APTX: variants seen among roughly 807,000 people sequenced by gnomAD.
The protein encoded by APTX is aprataxin.
A neutral mutation model predicts 42.3 loss-of-function variants in APTX; 33 were observed. The ratio of observed to expected loss-of-function variants is 0.78; its 90% confidence interval spans 0.59 to 1.04. APTX has a LOEUF of 1.04. Ranked by LOEUF, APTX falls within the 50% of genes least tolerant of loss-of-function variation. The pLI is 0.00. For synonymous variants in APTX, 130 were observed against 146.7 expected, an observed-to-expected ratio of 0.89 and a Z score of 0.82; for missense variants, 421 against 415.1, an observed-to-expected ratio of 1.01 and a Z score of -0.12.
upstream of APTX, among the ~76,000 whole-genome samples, chr9:33,005,424 TTTTG>T (rs1185746294): frequency 6.6e-6 from 1 of 151,992 alleles, no homozygotes; most frequent in African/African-American, 2.4e-5. Context: ...GGTTTTATTT[TTTTG>T]TTTTTTGTTT....
At chr9:32,973,949 C>T (rs1457676755) in intron 7 of APTX, among the ~76,000 whole-genome samples, 1 of 152,038 alleles carries the variant, frequency 6.6e-6, no homozygotes, top group Non-Finnish European at 1.5e-5. Context: ...TTGGTAAATG[C>T]CAGCTGCCAT....
chr9:33,012,530 G>T (rs965013944), intron 1 of APTX, among the ~76,000 whole-genome samples: 5 of 152,012 alleles, frequency 3.3e-5, no homozygotes, highest in Admixed American at 1.3e-4. Context: ...ATCCTCTGGG[G>T]GTGCTCCTGT....
chr9:33,017,939 C>T (rs1223529295), intron 1 of APTX, among the ~76,000 whole-genome samples: 1 of 145,072 alleles, frequency 6.9e-6, no homozygotes, highest in East Asian at 2.1e-4. Context: ...CCCCCCCCCC[C>T]CTCCCATTTT....
intron 6 of APTX, among the ~76,000 whole-genome samples, chr9:32,978,604 C>T (rs1430511376): frequency 6.6e-6 from 1 of 152,106 alleles, no homozygotes; most frequent in African/African-American, 2.4e-5. Flanking sequence ...AGTGAAGATA[C>T]CTACTTTACA....
chr9:33,024,291 A>G (rs1838658871), intron 1 of APTX, among the ~76,000 whole-genome samples: 1 of 152,122 alleles, frequency 6.6e-6, no homozygotes, highest in South Asian at 2.1e-4. Flanking sequence ...GGGATTACAC[A>G]CGTGAGCCAC....
intron 1 of APTX, among the ~76,000 whole-genome samples, chr9:33,014,966 T>C (rs545369396): frequency 1.3e-5 from 2 of 152,368 alleles, no homozygotes; most frequent in South Asian, 4.1e-4. Flanking sequence ...TATCTTCAGA[T>C]ACCATGAATT....
At chr9:32,978,890 G>A (rs1830061677) in intron 6 of APTX, among the ~76,000 whole-genome samples, 1 of 152,096 alleles carries the variant, frequency 6.6e-6, no homozygotes, top group Non-Finnish European at 1.5e-5. Context: ...AAGCTCTATT[G>A]TTGATATTCA....
At chr9:32,992,822 G>A (rs1833948153) in intron 1 of APTX, among the ~76,000 whole-genome samples, 1 of 152,216 alleles carries the variant, frequency 6.6e-6, no homozygotes, top group Non-Finnish European at 1.5e-5. Flanking sequence ...AGGCAGTTCA[G>A]CAAGTCTCTG....
At chr9:32,995,521 T>A (rs937305637) in intron 1 of APTX, among the ~76,000 whole-genome samples, 1 of 152,164 alleles carries the variant, frequency 6.6e-6, no homozygotes, top group African/African-American at 2.4e-5. Context: ...AGTTGCTTCT[T>A]ATGGATGTGC....
Position 32,973,523 on chromosome 9 carries a change from T to C in APTX, c.1004A>G (p.His335Arg). Residue 335 changes from histidine to arginine, a missense_variant, in exon 8 of 8, where the codon CAT becomes CGT. His to Arg is a conservative substitution (Grantham distance 29). Transcript: ENST00000379817. Reference protein sequence around the residue: ...LLPSIPQLKEHLRKHWTQ With the variant: ...LLPSIPQLKERLRKHWTQ ...TCACTGTGTCCAGTGCTTCCTGAGA[T>C]GTTCTTTCAGCTGAGGAATGGAAGG... 2 of 1,614,116 alleles carry C rather than the reference T, an allele frequency of 1.2e-6. No individual in the cohort carries two copies. Among genetic ancestry groups the C allele is most frequent in the South Asian group, 2.2e-5 (2 of 91,064 alleles).
At chr9:33,003,895 T>C (rs1191284833), upstream of APTX, among the ~76,000 whole-genome samples, 2 of 152,254 alleles carry the variant, frequency 1.3e-5, no homozygotes, top group East Asian at 3.8e-4. Flanking sequence ...CTTTATCCAT[T>C]CATCCACCCG....
At chr9:32,977,775 G>C (rs181005696) in intron 6 of APTX, among the ~76,000 whole-genome samples, 52 of 152,008 alleles carry the variant, frequency 3.4e-4, no homozygotes, top group Middle Eastern at 3.4e-3. Context: ...GGGTTTCAGG[G>C]AGCTGAGATT....
In APTX at chr9:32,999,125, A is replaced by G. The variant is rs564381172; in HGVS notation, c.-5+2442T>C. On this transcript the variant is annotated intron_variant, in intron 1 of 7. Coordinates refer to ENST00000379817, the MANE Select transcript of APTX (RefSeq NM_001195248.2). ...GAATAAATCATCTGAGAGCACTGACACGTAAAGCAAAGAAGAAGGGAGTAA... is the reference window on the plus strand; with the variant it reads ...GAATAAATCATCTGAGAGCACTGACGCGTAAAGCAAAGAAGAAGGGAGTAA... 1.5e-3 allele frequency among the ~76,000 whole-genome samples: 226 copies of G among 152,334 alleles called. 10 individuals are homozygous for G. The South Asian group carries it at 0.045, about 30-fold the overall frequency.
At chr9:33,003,011 C>T (rs956856262), upstream of APTX, among the ~76,000 whole-genome samples, 1 of 152,192 alleles carries the variant, frequency 6.6e-6, no homozygotes, top group Non-Finnish European at 1.5e-5. Context: ...AGCAGCCACA[C>T]AGGCCTTACA....
In APTX at chr9:32,984,818, A is replaced by G; in HGVS notation, c.583T>C (p.Tyr195His). The change falls in exon 6 of 8, where the codon TAC becomes CAC. Residue 195 changes from tyrosine (Y) to histidine (H), a missense_variant. Tyr to His is a moderately conservative substitution (Grantham distance 83). Coordinates refer to ENST00000379817, the MANE Select transcript of APTX (RefSeq NM_001195248.2). ...AGCCAATGGTAACGGGCCTTTGGGT[A>G]TTTATCCTTTATCACCACCACCTGC... ...DEQVVVIKDK[Y>H]PKARYHWLVL... 6.2e-7 allele frequency: 1 copy of G among 1,614,190 alleles called. No individual in the cohort carries two copies. Among genetic ancestry groups the G allele is most frequent in the South Asian group, 1.1e-5 (1 of 91,090 alleles).
chr9:32,983,924 T>G (rs375228370), intron 6 of APTX, among the ~76,000 whole-genome samples: 3 of 152,232 alleles, frequency 2.0e-5, no homozygotes, highest in East Asian at 3.9e-4. Flanking sequence ...TGGAGATAGA[T>G]GGTAGTAATG....
rs190122909 is a variant in APTX, at chr9:33,018,930, A to G, written c.-5+6093T>C. Among the ~76,000 whole-genome samples the G allele has an allele frequency of 1.4e-3, 217 of 152,318 alleles. 2 individuals are homozygous for G. Among genetic ancestry groups the G allele is most frequent in the Non-Finnish European group, 2.6e-3 (178 of 68,018 alleles). On this transcript the variant is annotated intron_variant, in intron 1 of 6. Transcript: ENST00000436040. ...ACTGTCAAGGTCCTTAAAAATAAGT[A>G]AAGTCTGAGAAACTGTCACAGTCAA... is the stretch of plus-strand genomic sequence containing the variant.
chr9:32,979,088 T>C (rs892072517), intron 6 of APTX, among the ~76,000 whole-genome samples: 6 of 152,166 alleles, frequency 3.9e-5, no homozygotes, highest in Non-Finnish European at 7.3e-5. Flanking sequence ...GTTTGCTATA[T>C]AGGTAAATTG....
chr9:33,018,782 G>A lies in APTX; in HGVS notation c.-5+6241C>T, dbSNP rs113035644. The stretch of plus-strand genomic sequence containing the variant: ...TAATCCCAGCTACTGGGGAGGCTGA[G>A]GCAGGAGAATTGCTGGAACCTGGGA... On this transcript the variant is annotated intron_variant, in intron 1 of 6. Transcript: ENST00000436040. 3.2e-3 allele frequency among the ~76,000 whole-genome samples: 491 copies of A among 152,234 alleles called. 8 individuals are homozygous for A. The highest frequency in any genetic ancestry group is 0.011 in the African/African-American group (467 of 41,526).
Sources: gnomAD v4.1 joint callset for allele counts (sites outside exome capture counted in the v4.1 genomes callset) on GRCh38, gnomAD v4.1.1 for gene constraint, MANE v1.5 for transcripts, NCBI Gene and HGNC (gene_info 2026-07-23, HGNC 2026-07-21) for gene names.